Variants in NDST1 observed in about 807,000 individuals in gnomAD.
NDST1 encodes the protein N-deacetylase and N-sulfotransferase 1, also known as bifunctional heparan sulfate N-deacetylase/N-sulfotransferase 1.
In NDST1, 35 loss-of-function variants were observed where a neutral mutation model predicts 92.8. The ratio of observed to expected loss-of-function variants is 0.38; its 90% CI spans 0.29 to 0.50. The LOEUF (loss-of-function observed/expected upper bound fraction) is 0.50, where lower values mean the gene tolerates loss of function less well. Ranked by LOEUF, NDST1 falls within the 20% of genes least tolerant of loss-of-function variation. The probability of loss-of-function intolerance (pLI) is 0.94; values close to 1 mark genes in which losing one functional copy is unlikely to be tolerated. For missense variants in NDST1, 822 were observed against 1,182.7 expected (o/e 0.69, Z 4.47); for synonymous variants, 493 against 500.3 (o/e 0.99, Z 0.19).
intron 9 of NDST1, among the ~76,000 whole-genome samples, chr5:150,542,387 A>G (rs1253464348): frequency 6.6e-6 from 1 of 152,220 alleles, no homozygotes; most frequent in Non-Finnish European, 1.5e-5. Flanking sequence ...CATAGGAACA[A>G]GATTTCTTAG....
At chr5:150,498,463 C>T (rs1581321969) in intron 1 of NDST1, among the ~76,000 whole-genome samples, 1 of 152,172 alleles carries the variant, frequency 6.6e-6, no homozygotes, top group African/African-American at 2.4e-5. Flanking sequence ...AGTCTCCACC[C>T]CTGGCTCCGC....
rs1452233216 is a variant in NDST1, at chr5:150,535,752, G to T, written c.1304G>T (p.Gly435Val). ...MGYAVAPHHS[G>V]VYPVHVQLYE... is the part of the protein sequence containing the mutation. ...TATGCAGTGGCGCCCCACCACTCGG[G>T]CGTGTACCCCGTGCACGTGCAGCTG... The change falls in exon 6 of 15, where the codon GGC (glycine) becomes GTC (valine). Residue 435 changes from glycine (G) to valine (V), a missense_variant. Gly to Val is a moderately radical substitution (Grantham distance 109, BLOSUM62 -3). Coordinates refer to ENST00000261797, the MANE Select transcript of NDST1 (RefSeq NM_001543.5). 1 of 1,614,120 alleles carries T rather than the reference G, an allele frequency of 6.2e-7. No individual in the cohort carries two copies. The highest frequency in any genetic ancestry group is 8.5e-7 in the Non-Finnish European group (1 of 1,180,062).
At position 150,555,703 on chromosome 5, in the gene NDST1, C is replaced by T. The variant is rs955876733; in HGVS notation, c.*2371C>T. ...TCTTACAGCTCCCAGGTTCGGAAAT[C>T]TACCCTCTAGGCCTGGAGGCCTCTC... On this transcript the variant is annotated 3_prime_UTR_variant, in exon 15 of 15. Transcript: ENST00000261797. The T allele has an allele frequency of 7.9e-5, 12 of 152,294 alleles. No individual in the cohort carries two copies. Among genetic ancestry groups the T allele is most frequent in the African/African-American group, 2.9e-4 (12 of 41,458 alleles). The allele number at this position is 152,294 out of a possible 1,614,324, so 9.4% of individuals were successfully genotyped here.
rs1754224894 is a variant in NDST1 at position 150,521,150 on chromosome 5, G to C, written c.-105G>C. ...CAAGGGCGTCGCTTCCTAAGTCTCT[G>C]TGAATTTGTTGGTCAGTGGACGATT... is the stretch of plus-strand genomic sequence containing the variant. On this transcript the variant is annotated 5_prime_UTR_variant, in exon 2 of 15. Coordinates refer to ENST00000261797, the MANE Select transcript of NDST1 (RefSeq NM_001543.5). This position sits in a 1 kb window ranked among gnomAD's most constrained non-coding sequence, Gnocchi z 5.9. 9.4e-7 allele frequency: 1 copy of C among 1,063,066 alleles called. No homozygotes were observed. The highest frequency in any genetic ancestry group is 1.6e-5 in the African/African-American group (1 of 63,000). The allele number at this position is 1,063,066 out of a possible 1,614,324, so 65.9% of individuals were successfully genotyped here.
chr5:150,556,919 T>C lies in NDST1; in HGVS notation c.*3587T>C, dbSNP rs960533918. On this transcript the variant is annotated 3_prime_UTR_variant, in exon 15 of 15. Transcript: ENST00000261797. ...GCTGAAAGGTCTTCCCTCAGCTCAC[T>C]TTGAGTTTTTAAATGACATTGTTTT... The C allele has an allele frequency of 1.4e-4, 21 of 152,636 alleles. No individual in the cohort carries two copies. The highest frequency in any genetic ancestry group is 3.3e-4 in the Admixed American group (5 of 15,284). The allele number at this position is 152,636 out of a possible 1,614,324, so 9.5% of individuals were successfully genotyped here.
rs556937256 is a variant in NDST1, at chr5:150,520,850, TCTCTCCA to T, written c.-387-9_-387-3del. 458 of 428,666 alleles carry T rather than the reference TCTCTCCA, an allele frequency of 1.1e-3. 4 individuals carry two copies. Among genetic ancestry groups the T allele is most frequent in the South Asian group, 0.01 (117 of 11,266 alleles). 26.6% of individuals were successfully genotyped at this position (428,666 alleles called of 1,614,324 possible). A position where few individuals can be genotyped will look rare whatever the true frequency, so the allele number is the denominator to read the frequency against. On this transcript the variant is annotated splice_polypyrimidine_tract_variant and intron_variant, in intron 1 of 14. Coordinates refer to ENST00000261797, the MANE Select transcript of NDST1 (RefSeq NM_001543.5). ...GAAGCCCGCACTCTGACGCTCCTGT[TCTCTCCA>T]CTCTCCACAGCCTTAGCCCCGTGGG...
intron 1 of NDST1, among the ~76,000 whole-genome samples, chr5:150,518,372 G>C (rs1179478835): frequency 6.6e-6 from 1 of 151,890 alleles, no homozygotes; most frequent in African/African-American, 2.4e-5. Flanking sequence ...GTTCCTCAGG[G>C]TACTGGCACT....
chr5:150,531,790 C>T (rs193066518), intron 3 of NDST1, among the ~76,000 whole-genome samples: 111 of 151,388 alleles, frequency 7.3e-4, no homozygotes, highest in African/African-American at 2.5e-3. Flanking sequence ...TGAGCCACTG[C>T]ACCTGGCGGC....
At chr5:150,551,495 G>A (rs1755723922) in intron 13 of NDST1, among the ~76,000 whole-genome samples, 1 of 152,196 alleles carries the variant, frequency 6.6e-6, no homozygotes, top group Admixed American at 6.5e-5. Context: ...TTGCTGAAGC[G>A]GCTGTGGCTG....
rs1295119465 is a variant in NDST1 at position 150,554,593 on chromosome 5, GCGC to G, written c.*1262_*1264del. The G allele has an allele frequency of 6.6e-6, 1 of 152,666 alleles. No individual in the cohort carries two copies. The highest frequency in any genetic ancestry group is 2.4e-5 in the African/African-American group (1 of 41,448). The allele number at this position is 152,666 out of a possible 1,614,324, so 9.5% of individuals were successfully genotyped here. On this transcript the variant is annotated 3_prime_UTR_variant, in exon 15 of 15. Transcript: ENST00000261797. ...CCCAGGTGAACAGAGGTGGTGAGATGCGCAGGGAAGACCAGCTCTCTCCAGGAC... is the reference window on the plus strand; with the variant it reads ...CCCAGGTGAACAGAGGTGGTGAGATGAGGGAAGACCAGCTCTCTCCAGGAC...
intron 1 of NDST1, among the ~76,000 whole-genome samples, chr5:150,511,952 G>A (rs1255144663): frequency 6.6e-6 from 1 of 150,722 alleles, no homozygotes; most frequent in East Asian, 2.0e-4. Context: ...GGGTGGGGGT[G>A]ATGATGTGAC....
intron 12 of NDST1, among the ~76,000 whole-genome samples, chr5:150,549,212 A>G (rs1233655838): frequency 6.6e-6 from 1 of 152,086 alleles, no homozygotes; most frequent in Non-Finnish European, 1.5e-5. Flanking sequence ...GGATTTCACC[A>G]TGTTGGCCAG....
Position 150,536,347 on chromosome 5 carries a change from T to C in NDST1, c.1437+462T>C, listed in dbSNP as rs548431638. On this transcript the variant is annotated intron_variant, in intron 6 of 14. Coordinates refer to ENST00000261797, the MANE Select transcript of NDST1 (RefSeq NM_001543.5). ...CTAAAAAAGTACTAAAAAAAAAATA[T>C]GCCTGGTGATTAGCCAGGTGTGGTG... Among the ~76,000 whole-genome samples, 8 of 151,748 alleles carry C rather than the reference T, an allele frequency of 5.3e-5. No individual in the cohort carries two copies. In the South Asian group the frequency reaches 1.7e-3, roughly 32 times the overall value.
chr5:150,498,609 T>G (rs1380778166), intron 1 of NDST1, among the ~76,000 whole-genome samples: 1 of 152,190 alleles, frequency 6.6e-6, no homozygotes, highest in Non-Finnish European at 1.5e-5. Context: ...GAGGCAGGGT[T>G]ATGTAACCAG....
chr5:150,507,422 C>T (rs1376661840), upstream of NDST1, among the ~76,000 whole-genome samples: 1 of 152,230 alleles, frequency 6.6e-6, no homozygotes, highest in Middle Eastern at 3.2e-3. Flanking sequence ...GCCAGCCTGG[C>T]CCTTTTCCAG....
At chr5:150,516,366 CAG>C (rs1753965698) in intron 1 of NDST1, among the ~76,000 whole-genome samples, 1 of 152,218 alleles carries the variant, frequency 6.6e-6, no homozygotes. Flanking sequence ...AAATAAGCAA[CAG>C]GGGTGCGTGA....
intron 11 of NDST1, among the ~76,000 whole-genome samples, chr5:150,547,612 T>C (rs57250247): frequency 0.013 from 1,968 of 152,308 alleles, 44 homozygotes; most frequent in African/African-American, 0.044. Flanking sequence ...TCTAACACTG[T>C]CAACCTCTGC....
intron 12 of NDST1, among the ~76,000 whole-genome samples, chr5:150,549,143 C>T (rs1402579684): frequency 6.6e-6 from 1 of 152,194 alleles, no homozygotes; most frequent in East Asian, 1.9e-4. Context: ...TCCCAAGTAG[C>T]TGGAATTACA....
At chr5:150,514,453 C>T (rs1412189771) in intron 1 of NDST1, among the ~76,000 whole-genome samples, 5 of 149,636 alleles carry the variant, frequency 3.3e-5, no homozygotes, top group Admixed American at 6.7e-5. Flanking sequence ...CCCAGCTACT[C>T]GGGAGGCTGA....
Sources: gnomAD v4.1 joint callset for allele counts (sites outside exome capture counted in the v4.1 genomes callset) on GRCh38, gnomAD v4.1.1 for gene constraint, Gnocchi (gnomAD v3.1) non-coding constraint, MANE v1.5 for transcripts, NCBI Gene and HGNC (gene_info 2026-07-23, HGNC 2026-07-21) for gene names.